The following ABCA13 variants were observed in gnomAD, a reference collection of about 807,000 sequenced individuals.
ABCA13 encodes the protein ATP binding cassette subfamily A member 13, also known as ATP-binding cassette sub-family A member 13.
ABCA13 carries 476 observed loss-of-function variants against 478.7 expected under a neutral mutation model. The ratio of observed to expected loss-of-function variants is 0.99; its 90% CI spans 0.92 to 1.07. ABCA13 has a LOEUF of 1.07. ABCA13 is among the 50% of genes least tolerant of loss of function. The pLI is 0.00. For synonymous variants in ABCA13, 2,252 were observed against 2,158.9 expected, an observed-to-expected ratio of 1.04 and a Z score of -1.20; for missense variants, 6,060 against 5,910.6, an observed-to-expected ratio of 1.03 and a Z score of -0.83.
At position 48,274,981 on chromosome 7, in the gene ABCA13, TCTACAGCTTCACA is replaced by T. The variant is rs1189526502; in HGVS notation, c.5318_5330del (p.Tyr1773SerfsTer5). The T allele has an allele frequency of 2.6e-5, 42 of 1,613,840 alleles. No homozygotes were observed. Among genetic ancestry groups the T allele is most frequent in the Non-Finnish European group, 3.2e-5 (38 of 1,179,860 alleles). Reference sequence around the variant, plus strand: ...AACATCACTGAAGGCCTCAAGGATGTCTACAGCTTCACACTCCTTCATGGCATAACCATTTCAA... The same window carrying T: ...AACATCACTGAAGGCCTCAAGGATGTCTCCTTCATGGCATAACCATTTCAA... On this transcript the variant is annotated frameshift_variant, in exon 17 of 62. Coordinates refer to ENST00000435803, the MANE Select transcript of ABCA13 (RefSeq NM_152701.5). LOFTEE classifies it high-confidence loss of function.
intron 55 of ABCA13, among the ~76,000 whole-genome samples, chr7:48,552,754 G>A (rs6980042): frequency 0.14 from 21,551 of 151,336 alleles, 2,125 homozygotes; most frequent in African/African-American, 0.23. Context: ...TGATATAGGC[G>A]TACAGTGCAT....
intron 3 of ABCA13, among the ~76,000 whole-genome samples, chr7:48,204,479 G>A (rs1414784407): frequency 1.3e-5 from 2 of 152,146 alleles, no homozygotes; most frequent in Admixed American, 1.3e-4. Flanking sequence ...CCAAAGTGCT[G>A]GGATTACAGG....
chr7:48,631,997 G>A (rs1258773701), intron 59 of ABCA13, among the ~76,000 whole-genome samples: 1 of 152,080 alleles, frequency 6.6e-6, no homozygotes, highest in Non-Finnish European at 1.5e-5. Flanking sequence ...CAGTGCTACT[G>A]ATTTGTGCAC....
At chr7:48,549,027 A>C (rs1379033182) in intron 55 of ABCA13, among the ~76,000 whole-genome samples, 1 of 151,638 alleles carries the variant, frequency 6.6e-6, no homozygotes, top group Non-Finnish European at 1.5e-5. Context: ...CCTATTTAGG[A>C]GTCATTATTT....
chr7:48,587,325 C>T, intron 57 of ABCA13, 37 bp downstream of exon 57: 1 of 1,541,696 alleles, frequency 6.5e-7, no homozygotes, highest in Non-Finnish European at 8.8e-7. Flanking sequence ...GAGTAAGATA[C>T]ATATTGCATA....
intron 48 of ABCA13, among the ~76,000 whole-genome samples, chr7:48,503,237 C>T (rs1830912852): frequency 6.6e-6 from 1 of 152,158 alleles, no homozygotes; most frequent in African/African-American, 2.4e-5. Flanking sequence ...CAGTTGCATG[C>T]CACCATGCCC....
At chr7:48,503,290 A>C (rs906554189) in intron 48 of ABCA13, among the ~76,000 whole-genome samples, 1 of 152,132 alleles carries the variant, frequency 6.6e-6, no homozygotes, top group African/African-American at 2.4e-5. Context: ...GGGTCTCTCC[A>C]TGTTGTCCAG....
chr7:48,464,330 AC>A (rs1563301112), intron 43 of ABCA13, among the ~76,000 whole-genome samples: 1 of 152,256 alleles, frequency 6.6e-6, no homozygotes, highest in African/African-American at 2.4e-5. Context: ...CACACTGCCT[AC>A]TTATGAGACA....
chr7:48,246,111 A>G (rs1791632859), intron 13 of ABCA13, 81 bp downstream of exon 13: 8 of 1,434,376 alleles, frequency 5.6e-6, no homozygotes, highest in Non-Finnish European at 6.5e-6. Flanking sequence ...TTTAACCTGG[A>G]GTTTCGATGA....
At position 48,451,023 on chromosome 7, in the gene ABCA13, A is replaced by C. The variant is rs528062164; in HGVS notation, c.12566-4014A>C. 5.6e-5 allele frequency among the ~76,000 whole-genome samples: 7 copies of C among 124,610 alleles called. No homozygotes were observed. The Admixed American group carries it at 5.9e-4, about 10-fold the overall frequency. The allele number at this position is 124,610 out of a possible 152,430, so 81.7% of individuals were successfully genotyped here. ...TTTTCTTTTTTTTTTTTGGAGATGG[A>C]GTCTCACTCTGTCACCCAGGCTGGA... On this transcript the variant is annotated intron_variant, in intron 42 of 61. Coordinates refer to ENST00000435803, the MANE Select transcript of ABCA13 (RefSeq NM_152701.5).
At chr7:48,501,499 G>A (rs1483685628) in intron 48 of ABCA13, among the ~76,000 whole-genome samples, 1 of 152,056 alleles carries the variant, frequency 6.6e-6, no homozygotes, top group Non-Finnish European at 1.5e-5. Flanking sequence ...GTAAATTATA[G>A]GACTCTAAAG....
At chr7:48,214,925 G>T (rs2128952285) in intron 3 of ABCA13, among the ~76,000 whole-genome samples, 1 of 152,222 alleles carries the variant, frequency 6.6e-6, no homozygotes, top group South Asian at 2.1e-4. Flanking sequence ...TTCATTAACT[G>T]TTAGTGAATT....
At chr7:48,413,843 C>T (rs1450828243) in intron 41 of ABCA13, among the ~76,000 whole-genome samples, 1 of 152,206 alleles carries the variant, frequency 6.6e-6, no homozygotes, top group Admixed American at 6.5e-5. Context: ...AACTCCGTAA[C>T]TTATTATTCC....
chr7:48,454,821 G>C (rs1825465039), intron 42 of ABCA13, among the ~76,000 whole-genome samples: 1 of 152,206 alleles, frequency 6.6e-6, no homozygotes, highest in Non-Finnish European at 1.5e-5. Context: ...GCGTTGCCAC[G>C]AGGCTTCCTC....
chr7:48,548,740 G>A lies in ABCA13; in HGVS notation c.14354+20395G>A, dbSNP rs866346344. 6.6e-5 allele frequency among the ~76,000 whole-genome samples: 10 copies of A among 151,746 alleles called. No individual in the cohort carries two copies. In the East Asian group the frequency reaches 1.4e-3, roughly 21 times the overall value. On this transcript the variant is annotated intron_variant, in intron 55 of 61. Transcript: ENST00000435803. Reference sequence around the variant, plus strand: ...CCTTATCTCCCTTTCAGCTGCTCTCGTTACATAGAAACTAAGCCACCATGA... The same window carrying A: ...CCTTATCTCCCTTTCAGCTGCTCTCATTACATAGAAACTAAGCCACCATGA...
At chr7:48,225,491 A>G (rs1788079989) in intron 5 of ABCA13, among the ~76,000 whole-genome samples, 1 of 152,196 alleles carries the variant, frequency 6.6e-6, no homozygotes, top group Non-Finnish European at 1.5e-5. Flanking sequence ...TAACCTATAG[A>G]CTTTTTCCAG....
In ABCA13 at chr7:48,350,709, T is replaced by C. The variant is rs200923479; in HGVS notation, c.10271T>C (p.Leu3424Ser). 56 of 1,614,008 alleles carry C rather than the reference T, an allele frequency of 3.5e-5. No homozygotes were observed. The East Asian group carries it at 1.2e-3, about 36-fold the overall frequency. The change falls in exon 30 of 62, where the codon TTG becomes TCG. Residue 3424 changes from leucine to serine, a missense_variant. Around this residue, in one of 3 missense-constraint regions of ABCA13, gnomAD observed 4,423 missense variants for 4,309.1 expected, o/e 1.03. Coordinates refer to ENST00000435803, the MANE Select transcript of ABCA13 (RefSeq NM_152701.5). ...CGCTTCCGTTTCTTGGGCAGCATCT[T>C]GGTCAATCTCTCTTCCTGCGTGGCA... ...AGRFRFLGSILVNLSSCVALN... is the reference protein window; with the variant it reads ...AGRFRFLGSISVNLSSCVALN...
At chr7:48,567,031 C>T (rs1328570231) in intron 55 of ABCA13, among the ~76,000 whole-genome samples, 2 of 152,240 alleles carry the variant, frequency 1.3e-5, no homozygotes, top group East Asian at 3.9e-4. Context: ...AGGTGATTCC[C>T]ACTAACTGCA....
chr7:48,366,640 T>C (rs1003450238), intron 31 of ABCA13, among the ~76,000 whole-genome samples: 32 of 152,158 alleles, frequency 2.1e-4, no homozygotes, highest in African/African-American at 7.7e-4. Flanking sequence ...GTGCGCTCCA[T>C]ACATGAGAGG....
Sources: gnomAD v4.1 joint callset for allele counts (sites outside exome capture counted in the v4.1 genomes callset) on GRCh38, gnomAD v4.1.1 for gene constraint, gnomAD v4.1.1 regional missense constraint, MANE v1.5 for transcripts, NCBI Gene and HGNC (gene_info 2026-07-23, HGNC 2026-07-21) for gene names.